The following SGMS1 variants were observed in gnomAD, a reference collection of about 807,000 sequenced individuals.
SGMS1 encodes sphingomyelin synthase 1, also known as phosphatidylcholine:ceramide cholinephosphotransferase 1.
In SGMS1, 13 loss-of-function variants were observed where a neutral mutation model predicts 46.2. The ratio of observed to expected loss-of-function variants is 0.28; its 90% CI spans 0.18 to 0.45. SGMS1 has a LOEUF of 0.45. Among genes scored for constraint, SGMS1 ranks in the 20% least tolerant of loss-of-function variants. The pLI, the probability that SGMS1 is intolerant of heterozygous loss-of-function variation, is 1.00. For synonymous variants in SGMS1, 203 were observed against 187.8 expected, an observed-to-expected ratio of 1.08 and a Z score of -0.66; for missense variants, 324 against 519.9, an observed-to-expected ratio of 0.62 and a Z score of 3.66.
intron 1 of SGMS1, among the ~76,000 whole-genome samples, chr10:50,600,751 G>C (rs1292232503): frequency 6.6e-6 from 1 of 152,166 alleles, no homozygotes; most frequent in Non-Finnish European, 1.5e-5. Flanking sequence ...CTATGTGTCA[G>C]ACACCATGCT....
intron 3 of SGMS1, among the ~76,000 whole-genome samples, chr10:50,518,721 A>G (rs1020892649): frequency 1.3e-5 from 2 of 152,338 alleles, no homozygotes; most frequent in East Asian, 1.9e-4. Context: ...ACCCCGCCAC[A>G]ATGAAAATAT....
At chr10:50,311,480 G>T in intron 8 of SGMS1, 65 bp from the exon 9 acceptor site, 1 of 1,380,002 alleles carries the variant, frequency 7.2e-7, no homozygotes, top group South Asian at 1.2e-5. Context: ...AATGTGCGAA[G>T]ATTACTATTC....
intron 3 of SGMS1, among the ~76,000 whole-genome samples, chr10:50,516,988 T>C (rs1837812360): frequency 6.6e-6 from 1 of 152,024 alleles, no homozygotes; most frequent in Admixed American, 6.5e-5. Flanking sequence ...ATACCAGCAA[T>C]GGGGTGGGGC....
chr10:50,317,932 T>C (rs1459375184), intron 8 of SGMS1, among the ~76,000 whole-genome samples: 3 of 151,854 alleles, frequency 2.0e-5, no homozygotes, highest in African/African-American at 7.3e-5. Context: ...GCCTCCCAAG[T>C]AGCTGGGATT....
chr10:50,590,609 C>G (rs1838531315), intron 1 of SGMS1: 1 of 151,972 alleles, frequency 6.6e-6, no homozygotes, highest in Non-Finnish European at 1.5e-5. Flanking sequence ...TTGCCACAAA[C>G]TACTTAACAT....
At chr10:50,462,971 G>C (rs1837283452) in intron 4 of SGMS1, among the ~76,000 whole-genome samples, 1 of 151,624 alleles carries the variant, frequency 6.6e-6, no homozygotes, top group African/African-American at 2.4e-5. Flanking sequence ...GGGTGGTGAA[G>C]TGTGTATTAA....
At chr10:50,552,867 CCAAAG>C (rs981395206) in intron 2 of SGMS1, among the ~76,000 whole-genome samples, 64 of 152,126 alleles carry the variant, frequency 4.2e-4, no homozygotes, top group African/African-American at 1.4e-3. Flanking sequence ...TGACCTGACA[CCAAAG>C]AGAAGAGAAG....
intron 2 of SGMS1, among the ~76,000 whole-genome samples, chr10:50,545,128 T>C (rs1000316713): frequency 1.3e-5 from 2 of 152,080 alleles, no homozygotes; most frequent in Non-Finnish European, 2.9e-5. Context: ...ACAGAGAACA[T>C]CAGTAACCTA....
chr10:50,520,104 C>T (rs2133787457), intron 2 of SGMS1, among the ~76,000 whole-genome samples, 183 bp from the exon 3 acceptor site: 1 of 152,216 alleles, frequency 6.6e-6, no homozygotes, highest in African/African-American at 2.4e-5. Context: ...AAACTATTAA[C>T]AGGGGCAGGG....
chr10:50,611,082 C>T lies in SGMS1; in HGVS notation c.-684+12625G>A, dbSNP rs181241138. Among the ~76,000 whole-genome samples the T allele has an allele frequency of 3.7e-3, 556 of 152,274 alleles. 3 individuals are homozygous for T. The highest frequency in any genetic ancestry group is 4.1e-3 in the Non-Finnish European group (282 of 68,030). Reference sequence around the variant, plus strand: ...ACAGAGGAAGGGACTATGCAGTCCACGTGGTGAAAATCTCGACAACACACG... The same window carrying T: ...ACAGAGGAAGGGACTATGCAGTCCATGTGGTGAAAATCTCGACAACACACG... On this transcript the variant is annotated intron_variant, in intron 1 of 10. Coordinates refer to ENST00000361781, the MANE Select transcript of SGMS1 (RefSeq NM_147156.4).
At chr10:50,321,570 C>T (rs576480157) in intron 8 of SGMS1, among the ~76,000 whole-genome samples, 13 of 152,010 alleles carry the variant, frequency 8.6e-5, no homozygotes, top group South Asian at 2.1e-4. Context: ...TGAGAACAAA[C>T]GAAAAGGAAA....
At chr10:50,589,956 C>T (rs187673552) in intron 2 of SGMS1, among the ~76,000 whole-genome samples, 197 bp downstream of exon 2, 7 of 152,262 alleles carry the variant, frequency 4.6e-5, no homozygotes, top group African/African-American at 1.4e-4. Flanking sequence ...GAAAAAATGT[C>T]ATAATATCTG....
intron 3 of SGMS1, among the ~76,000 whole-genome samples, chr10:50,514,912 C>G (rs919061608): frequency 3.9e-5 from 6 of 152,178 alleles, no homozygotes; most frequent in Non-Finnish European, 7.3e-5. Flanking sequence ...AGTCTCTGAA[C>G]TCCCAGACTG....
intron 8 of SGMS1, among the ~76,000 whole-genome samples, chr10:50,324,143 C>T (rs1253825838): frequency 1.3e-5 from 2 of 152,192 alleles, no homozygotes; most frequent in African/African-American, 4.8e-5. Flanking sequence ...CTGTCTCCTT[C>T]CACACCTATA....
intron 3 of SGMS1, among the ~76,000 whole-genome samples, chr10:50,508,916 C>T (rs1233258359): frequency 6.6e-6 from 1 of 152,196 alleles, no homozygotes; most frequent in Admixed American, 6.5e-5. Flanking sequence ...GTTTGGTCCA[C>T]CCTGATGGAT....
At chr10:50,401,316 C>G (rs1036777051) in intron 6 of SGMS1, among the ~76,000 whole-genome samples, 5 of 152,186 alleles carry the variant, frequency 3.3e-5, no homozygotes, top group Non-Finnish European at 7.3e-5. Flanking sequence ...TTAAAAATAA[C>G]ACATTTGTTG....
intron 3 of SGMS1, among the ~76,000 whole-genome samples, chr10:50,504,481 A>G (rs73316690): frequency 0.029 from 4,467 of 152,292 alleles, 104 homozygotes; most frequent in African/African-American, 0.063. Flanking sequence ...AATCCCCCAA[A>G]TAACATAATT....
intron 6 of SGMS1, among the ~76,000 whole-genome samples, chr10:50,386,183 T>C (rs886877911): frequency 2.0e-5 from 3 of 152,128 alleles, no homozygotes; most frequent in Non-Finnish European, 2.9e-5. Context: ...AAGAGGCAAG[T>C]CAAAATTGTA....
intron 8 of SGMS1, among the ~76,000 whole-genome samples, chr10:50,313,608 G>A (rs566013880): frequency 2.6e-5 from 4 of 152,100 alleles, no homozygotes; most frequent in Non-Finnish European, 4.4e-5. Flanking sequence ...TATAACAATG[G>A]ATAAAATGTA....
Sources: gnomAD v4.1 joint callset for allele counts (sites outside exome capture counted in the v4.1 genomes callset) on GRCh38, gnomAD v4.1.1 for gene constraint, MANE v1.5 for transcripts, NCBI Gene and HGNC (gene_info 2026-07-23, HGNC 2026-07-21) for gene names.